Variants in CFAP298 observed in about 807,000 individuals in gnomAD.
The protein encoded by CFAP298 is cilia- and flagella-associated protein 298.
CFAP298 carries 38 observed loss-of-function variants against 41.0 expected under a neutral mutation model. The ratio of observed to expected loss-of-function variants is 0.93; its 90% confidence interval spans 0.72 to 1.22. The LOEUF (loss-of-function observed/expected upper bound fraction) is 1.22, where lower values mean the gene tolerates loss of function less well. CFAP298 is among the 50% of genes most tolerant of loss of function. The probability of loss-of-function intolerance (pLI) is 0.00; values close to 1 mark genes in which losing one functional copy is unlikely to be tolerated. For synonymous variants in CFAP298, 137 were observed against 135.3 expected (o/e 1.01, Z -0.09); for missense variants, 348 against 360.3 (o/e 0.97, Z 0.28).
rs574138242 is a variant in CFAP298, at chr21:32,610,055, A to G, written c.140-50T>C. On this transcript the variant is annotated intron_variant, in intron 1 of 6. Coordinates refer to ENST00000290155, the MANE Select transcript of CFAP298 (RefSeq NM_021254.4). ...TCACAATCATAACACCTCATACCCC[A>G]TTGGAATGTAAGCTCCAAAGAGTCA... 5.0e-5 allele frequency: 75 copies of G among 1,501,376 alleles called. No homozygotes were observed. The South Asian group carries it at 9.1e-4, about 18-fold the overall frequency. The allele number at this position is 1,501,376 out of a possible 1,614,324, so 93.0% of individuals were successfully genotyped here.
rs765823366 is a variant in CFAP298, at chr21:32,609,986, T to A, written c.159A>T (p.Glu53Asp). ...RLCSEMEELAEHGIFLPPNMQ... is the reference protein window; with the variant it reads ...RLCSEMEELADHGIFLPPNMQ... The stretch of plus-strand genomic sequence containing the variant: ...TATTAGGAGGGAGAAATATGCCATG[T>A]TCGGCTAATTCTTCCATTTCTTAAA... Residue 53 changes from glutamate to aspartate, a missense_variant, in exon 2 of 7, where the codon GAA (glutamate) becomes GAT (aspartate). Coordinates refer to ENST00000290155, the MANE Select transcript of CFAP298 (RefSeq NM_021254.4). 6.2e-7 allele frequency: 1 copy of A among 1,613,860 alleles called. No homozygotes were observed.
rs1555883693 is a variant in CFAP298, at chr21:32,607,610, A to C, written c.375+39T>G. On this transcript the variant is annotated intron_variant, in intron 3 of 6. Coordinates refer to ENST00000290155, the MANE Select transcript of CFAP298 (RefSeq NM_021254.4). ...TTCCATCTCCAAAAAAAAAAAAAAA[A>C]ACCCAACAAGTTTTAGTGCATCATT... 17 of 1,310,710 alleles carry C rather than the reference A, an allele frequency of 1.3e-5. No homozygotes were observed. In the South Asian group the frequency reaches 2.1e-4, roughly 16 times the overall value. The allele number at this position is 1,310,710 out of a possible 1,614,324, so 81.2% of individuals were successfully genotyped here. A position where few individuals can be genotyped will look rare whatever the true frequency, so the allele number is the denominator to read the frequency against.
Position 32,607,732 on chromosome 21 carries a change from G to T in CFAP298, c.308-16C>A, listed in dbSNP as rs140374402. On this transcript the variant is annotated splice_polypyrimidine_tract_variant and intron_variant, in intron 2 of 6. Coordinates refer to ENST00000290155, the MANE Select transcript of CFAP298 (RefSeq NM_021254.4). ...TCATTTGGAGCTATAAAAATAAAAA[G>T]GAGAGAGGGAGAAAGAGCTGTCAAA... 8 of 1,497,098 alleles carry T rather than the reference G, an allele frequency of 5.3e-6. 1 individual carries two copies. The highest frequency in any genetic ancestry group is 1.7e-4 in the Middle Eastern group (1 of 5,768). 92.7% of individuals were successfully genotyped at this position (1,497,098 alleles called of 1,614,324 possible). A position where few individuals can be genotyped will look rare whatever the true frequency, so the allele number is the denominator to read the frequency against.
chr21:32,607,380 G>A (rs1171135832), intron 3 of CFAP298, among the ~76,000 whole-genome samples: 1 of 151,984 alleles, frequency 6.6e-6, no homozygotes, highest in Non-Finnish European at 1.5e-5. Flanking sequence ...GATCACCTGA[G>A]GTCAGGAGTT....
In CFAP298 at chr21:32,604,151, T is replaced by A. The variant is rs200604137; in HGVS notation, c.508A>T (p.Asn170Tyr). ...PYDPIRMEFENKEDLSGTQAG... is the reference protein window; with the variant it reads ...PYDPIRMEFEYKEDLSGTQAG... ...TGTGTTCCCGACAAGTCTTCCTTATTTTCAAACTCCATGCGGATGGGATCA... is the reference window on the plus strand; with the variant it reads ...TGTGTTCCCGACAAGTCTTCCTTATATTCAAACTCCATGCGGATGGGATCA... Residue 170 changes from asparagine (N) to tyrosine (Y), a missense_variant, in exon 4 of 7, where the codon AAT (asparagine) becomes TAT (tyrosine). Transcript: ENST00000290155. 6.2e-7 allele frequency: 1 copy of A among 1,614,092 alleles called. No individual in the cohort carries two copies. Among genetic ancestry groups the A allele is most frequent in the Non-Finnish European group, 8.5e-7 (1 of 1,180,002 alleles).
rs750995181 is a variant in CFAP298, at chr21:32,602,361, G to A, written c.673C>T (p.Gln225Ter). 15 of 1,612,966 alleles carry A rather than the reference G, an allele frequency of 9.3e-6. No individual in the cohort carries two copies. In the Admixed American group the frequency reaches 1.5e-4, roughly 16 times the overall value. ...KIIAKIQQRGQGAPAREPIIS... is the reference protein window; with the variant it reads ...KIIAKIQQRG ...ATAGGCTCTCGGGCTGGAGCTCCCT[G>A]TCCCCTCTGCAAAGAGGAGAGCAGA... The change falls in exon 6 of 7, where the codon CAG (glutamine) becomes TAG (stop). Residue 225 changes from glutamine to a stop codon, truncating the protein, a stop_gained. Transcript: ENST00000290155. LOFTEE classifies it high-confidence loss of function.
At chr21:32,611,226 C>A (rs1440889565) in intron 1 of CFAP298, among the ~76,000 whole-genome samples, 1 of 150,304 alleles carries the variant, frequency 6.7e-6, no homozygotes, top group African/African-American at 2.5e-5. Flanking sequence ...ATAGCTTGAA[C>A]CCGGGAGGCG....
At position 32,601,019 on chromosome 21, in the gene CFAP298, A is replaced by G. The variant is rs1399156182; in HGVS notation, c.*844T>C. Among the ~76,000 whole-genome samples, 1 of 150,612 alleles carries G rather than the reference A, an allele frequency of 6.6e-6. No individual in the cohort carries two copies. Among genetic ancestry groups the G allele is most frequent in the African/African-American group, 2.5e-5 (1 of 40,258 alleles). On this transcript the variant is annotated 3_prime_UTR_variant, in exon 7 of 7. Transcript: ENST00000290155. ...CCAGGCAACGCCTGGCTACAGTTAG[A>G]CCCCGCAGCAGGGTTAAAGAAGGCT...
chr21:32,609,713 T>G, intron 2 of CFAP298, 125 bp downstream of exon 2: 2 of 791,462 alleles, frequency 2.5e-6, no homozygotes, highest in Non-Finnish European at 2.0e-6. Flanking sequence ...GGCAGTGAGC[T>G]GAGATTGTGC....
intron 6 of CFAP298, 56 bp from the exon 7 acceptor site, chr21:32,602,029 A>G: frequency 8.8e-7 from 1 of 1,130,404 alleles, no homozygotes; most frequent in Non-Finnish European, 1.3e-6. Context: ...TTTTGCACAT[A>G]AAGAGACTGA....
At position 32,601,606 on chromosome 21, in the gene CFAP298, G is replaced by A. The variant is rs1221763539; in HGVS notation, c.*257C>T. On this transcript the variant is annotated 3_prime_UTR_variant, in exon 7 of 7. Transcript: ENST00000290155. ...GCCACCGCGCCCGGCCAAAAGTTTA[G>A]TATTTTATCAAAGAAAACCATGACA... The A allele has an allele frequency of 6.1e-6, 2 of 328,160 alleles. No individual in the cohort carries two copies. Among genetic ancestry groups the A allele is most frequent in the Non-Finnish European group, 1.1e-5 (2 of 177,736 alleles). 20.3% of individuals were successfully genotyped at this position (328,160 alleles called of 1,614,324 possible).
intron 4 of CFAP298, 118 bp downstream of exon 4, chr21:32,604,007 G>C: frequency 9.9e-7 from 1 of 1,007,798 alleles, no homozygotes; most frequent in South Asian, 1.5e-5. Flanking sequence ...GCAGGGCATA[G>C]CAAACCTGAA....
intron 2 of CFAP298, among the ~76,000 whole-genome samples, chr21:32,607,937 AG>A (rs1417326026): frequency 6.6e-6 from 1 of 152,212 alleles, no homozygotes; most frequent in Non-Finnish European, 1.5e-5. Context: ...AAAGTGGCAA[AG>A]GCTACAAAAA....
chr21:32,603,217 GCTT>G lies in CFAP298; in HGVS notation c.607_609del (p.Lys203del), dbSNP rs1458975548. ...TCATTCTTCCCCACGTAGTCTGAAAGCTTCTTCGTTCTTCTCAGCTCCTTGGCT... is the reference window on the plus strand; with the variant it reads ...TCATTCTTCCCCACGTAGTCTGAAAGCTTCGTTCTTCTCAGCTCCTTGGCT... On this transcript the variant is annotated inframe_deletion, in exon 5 of 7. Transcript: ENST00000290155. 1 of 1,614,080 alleles carries G rather than the reference GCTT, an allele frequency of 6.2e-7. No homozygotes were observed. Among genetic ancestry groups the G allele is most frequent in the African/African-American group, 1.3e-5 (1 of 74,938 alleles).
Position 32,603,263 on chromosome 21 carries a change from C to T in CFAP298, c.564G>A (p.Glu188=), listed in dbSNP as rs2038792058. Residue 188 remains glutamate (E), a synonymous_variant, in exon 5 of 7, where the codon GAG becomes GAA. Transcript: ENST00000290155. The part of the protein sequence containing the change: ...QAGLNVIKEA[E]AQLWWAAKEL... ...CCTTGGCTGCCCACCACAGCTGCGCCTCTGCCTCTTTAATGACGTTGAGCC... is the reference window on the plus strand; with the variant it reads ...CCTTGGCTGCCCACCACAGCTGCGCTTCTGCCTCTTTAATGACGTTGAGCC... The T allele has an allele frequency of 2.5e-6, 4 of 1,614,164 alleles. No homozygotes were observed. The highest frequency in any genetic ancestry group is 3.4e-6 in the Non-Finnish European group (4 of 1,180,026).
In CFAP298 at chr21:32,601,833, C is replaced by A. The variant is rs2038746032; in HGVS notation, c.*30G>T. 1.8e-6 allele frequency: 2 copies of A among 1,136,164 alleles called. No homozygotes were observed. The highest frequency in any genetic ancestry group is 2.7e-6 in the Non-Finnish European group (2 of 753,556). The allele number at this position is 1,136,164 out of a possible 1,614,324, so 70.4% of individuals were successfully genotyped here. ...TTGCCTAGGAGAAAGGTGAGCTAAT[C>A]TCTTTGGAAGTGTCATCAGCTGGTG... On this transcript the variant is annotated 3_prime_UTR_variant, in exon 7 of 7. Transcript: ENST00000290155.
At position 32,609,737 on chromosome 21, in the gene CFAP298, C is replaced by G. The variant is rs1197373689; in HGVS notation, c.307+101G>C. On this transcript the variant is annotated intron_variant, in intron 2 of 6. Coordinates refer to ENST00000290155, the MANE Select transcript of CFAP298 (RefSeq NM_021254.4). ...CTGAGATTGTGCCACTGCACTCCAG[C>G]CTGGGCTAGAGCAAGAATCCGTCTC... The G allele has an allele frequency of 2.7e-6, 3 of 1,113,386 alleles. No individual in the cohort carries two copies. In the African/African-American group the frequency reaches 4.7e-5, roughly 17 times the overall value. 69.0% of individuals were successfully genotyped at this position (1,113,386 alleles called of 1,614,324 possible). A position where few individuals can be genotyped will look rare whatever the true frequency, so the allele number is the denominator to read the frequency against.
intron 3 of CFAP298, 55 bp downstream of exon 3, chr21:32,607,594 C>CAAAA: frequency 1.7e-4 from 140 of 824,696 alleles, no homozygotes; most frequent in Middle Eastern, 7.7e-4. Flanking sequence ...ATTCCATCTC[C>CAAAA]AAAAAAAAAA....
intron 3 of CFAP298, among the ~76,000 whole-genome samples, chr21:32,607,385 G>C (rs1283080806): frequency 2.6e-5 from 4 of 152,072 alleles, no homozygotes; most frequent in Admixed American, 2.0e-4. Flanking sequence ...CCTGAGGTCA[G>C]GAGTTCGAGA....
Sources: allele counts gnomAD v4.1 joint callset (sites outside exome capture counted in the v4.1 genomes callset), GRCh38; gene constraint gnomAD v4.1.1; transcripts MANE v1.5; gene names NCBI Gene and HGNC (gene_info 2026-07-23, HGNC 2026-07-21).